TDP1: variants seen among roughly 807,000 people sequenced by gnomAD.
TDP1 encodes the protein tyrosyl-DNA phosphodiesterase 1.
A neutral mutation model predicts 81.5 loss-of-function variants in TDP1; 64 were observed. The ratio of observed to expected loss-of-function variants is 0.79; its 90% CI spans 0.64 to 0.97. The LOEUF (loss-of-function observed/expected upper bound fraction) is 0.97. TDP1 is among the 50% of genes least tolerant of loss of function. The pLI is 0.00. For synonymous variants in TDP1, 256 were observed against 264.3 expected (o/e 0.97, Z 0.30); for missense variants, 723 against 743.8 (o/e 0.97, Z 0.33).
At chr14:90,040,933 A>G (rs955859230) in intron 16 of TDP1, among the ~76,000 whole-genome samples, 1 of 152,236 alleles carries the variant, frequency 6.6e-6, no homozygotes, top group African/African-American at 2.4e-5. Flanking sequence ...GCAGAGCTAC[A>G]GGGAATTTGC....
intron 14 of TDP1, among the ~76,000 whole-genome samples, chr14:90,008,717 TTTG>T: frequency 1.3e-5 from 2 of 152,330 alleles, no homozygotes; most frequent in Middle Eastern, 6.8e-3. Flanking sequence ...TTTGAAATCT[TTTG>T]TTTATTTTTG....
At chr14:90,034,955 G>C (rs1007225203) in intron 16 of TDP1, among the ~76,000 whole-genome samples, 1 of 151,564 alleles carries the variant, frequency 6.6e-6, no homozygotes, top group Non-Finnish European at 1.5e-5. Flanking sequence ...AACCTTCCCA[G>C]CTTTCATGGT....
intron 14 of TDP1, among the ~76,000 whole-genome samples, chr14:89,996,885 C>T (rs1211187251): frequency 6.6e-6 from 1 of 152,194 alleles, no homozygotes; most frequent in African/African-American, 2.4e-5. Flanking sequence ...TATCCCCTCC[C>T]TCCACTCAAT....
In TDP1 at chr14:90,044,292, G is replaced by A. The variant is rs1332241585; in HGVS notation, c.*1149G>A. 3 of 152,208 alleles carry A rather than the reference G, an allele frequency of 2.0e-5. No homozygotes were observed. Among genetic ancestry groups the A allele is most frequent in the Admixed American group, 6.5e-5 (1 of 15,276 alleles). 9.4% of individuals were successfully genotyped at this position (152,208 alleles called of 1,614,324 possible). A position where few individuals can be genotyped will look rare whatever the true frequency, so the allele number is the denominator to read the frequency against. On this transcript the variant is annotated 3_prime_UTR_variant, in exon 17 of 17. Coordinates refer to ENST00000335725, the MANE Select transcript of TDP1 (RefSeq NM_018319.4). The stretch of plus-strand genomic sequence containing the variant: ...TTTGATGCCTTAAATTCACAAGTGA[G>A]GAAGCTAAGGCCTAGAAGGTTAAGG...
chr14:89,995,060 A>C (rs1408587562), intron 14 of TDP1, among the ~76,000 whole-genome samples: 2 of 152,244 alleles, frequency 1.3e-5, no homozygotes, highest in African/African-American at 4.8e-5. Flanking sequence ...GGCTGTTACT[A>C]AATTAAGCAA....
At chr14:89,998,040 G>A (rs887520349) in intron 14 of TDP1, among the ~76,000 whole-genome samples, 4 of 152,016 alleles carry the variant, frequency 2.6e-5, no homozygotes, top group African/African-American at 7.2e-5. Flanking sequence ...TGATAATTTA[G>A]GTGCACAATC....
chr14:90,032,696 ATTTC>A (rs1887419734), intron 15 of TDP1: 3 of 975,550 alleles, frequency 3.1e-6, no homozygotes, highest in Middle Eastern at 5.3e-4. Context: ...AGCAGCTTTT[ATTTC>A]TTCTTACTCC....
chr14:89,998,370 CATTATA>C (rs1451372150), intron 14 of TDP1, among the ~76,000 whole-genome samples: 1,414 of 98,272 alleles, frequency 0.014, 40 homozygotes, highest in African/African-American at 0.043. Flanking sequence ...GTTCCAAGCA[CATTATA>C]TATATATATA....
chr14:89,968,779 AT>A (rs777390025), intron 5 of TDP1, among the ~76,000 whole-genome samples: 1 of 152,168 alleles, frequency 6.6e-6, no homozygotes, highest in Non-Finnish European at 1.5e-5. Flanking sequence ...CTGTCACCCC[AT>A]TAGAGTGTTG....
intron 7 of TDP1, among the ~76,000 whole-genome samples, chr14:89,978,631 T>C (rs1280514079): frequency 6.6e-6 from 1 of 152,268 alleles, no homozygotes; most frequent in Non-Finnish European, 1.5e-5. Context: ...TGAATATGGC[T>C]ACTCTCAAGT....
chr14:89,998,402 ATATATATATATATATATATATG>A (rs1346749578), intron 14 of TDP1, among the ~76,000 whole-genome samples: 45 of 115,200 alleles, frequency 3.9e-4, no homozygotes, highest in East Asian at 1.9e-3. Flanking sequence ...ATATATATAT[ATATATATATATATATATATATG>A]TATGTATGTA....
At chr14:89,969,511 CA>C (rs1893338767) in intron 5 of TDP1, among the ~76,000 whole-genome samples, 1 of 152,194 alleles carries the variant, frequency 6.6e-6, no homozygotes, top group African/African-American at 2.4e-5. Context: ...CAGTTTCTAT[CA>C]GTCATATTTA....
intron 14 of TDP1, among the ~76,000 whole-genome samples, chr14:90,017,839 A>G (rs1051641179): frequency 1.3e-5 from 2 of 152,206 alleles, no homozygotes; most frequent in Admixed American, 1.3e-4. Flanking sequence ...CCAGTTTATC[A>G]TAAACATCAG....
At position 89,993,438 on chromosome 14, in the gene TDP1, G is replaced by C. The variant is rs1171905322; in HGVS notation, c.1496G>C (p.Arg499Thr). ...ATGCCACATATTAAGACATATATGA[G>C]GCCTTCTCCAGACTTCAGTAAAATT... ...NAMPHIKTYM[R>T]PSPDFSKIAW... Residue 499 changes from arginine (R) to threonine (T), a missense_variant, in exon 14 of 17, where the codon AGG becomes ACG. Physicochemically the swap from Arg to Thr is moderately conservative, Grantham distance 71 (BLOSUM62 -1). Coordinates refer to ENST00000335725, the MANE Select transcript of TDP1 (RefSeq NM_018319.4). 4 of 1,613,852 alleles carry C rather than the reference G, an allele frequency of 2.5e-6. No individual in the cohort carries two copies. Among genetic ancestry groups the C allele is most frequent in the Non-Finnish European group, 2.5e-6 (3 of 1,179,864 alleles).
intron 10 of TDP1, 31 bp from the exon 11 acceptor site, chr14:89,988,874 C>A: frequency 1.2e-6 from 2 of 1,613,694 alleles, no homozygotes; most frequent in South Asian, 2.2e-5. Context: ...TTATTTGAGT[C>A]ACTTTAACAT....
intron 16 of TDP1, among the ~76,000 whole-genome samples, chr14:90,039,135 A>G (rs35838970): frequency 0.054 from 8,224 of 152,262 alleles, 370 homozygotes; most frequent in African/African-American, 0.12. Context: ...TTATCCTCAC[A>G]CCAGTAAGAT....
intron 15 of TDP1, among the ~76,000 whole-genome samples, chr14:90,021,388 C>T (rs1421426331): frequency 6.6e-6 from 1 of 152,126 alleles, no homozygotes; most frequent in Non-Finnish European, 1.5e-5. Context: ...GGAGTTCTCT[C>T]CCAATAATAA....
At chr14:89,972,344 CTCTA>C (rs1893761006) in intron 6 of TDP1, among the ~76,000 whole-genome samples, 2 of 152,108 alleles carry the variant, frequency 1.3e-5, no homozygotes, top group African/African-American at 4.8e-5. Context: ...CATGAGAACT[CTCTA>C]TCACGAGAAC....
At chr14:89,992,291 T>A (rs1321210308) in intron 13 of TDP1, among the ~76,000 whole-genome samples, 1 of 152,222 alleles carries the variant, frequency 6.6e-6, no homozygotes, top group Non-Finnish European at 1.5e-5. Flanking sequence ...AGTTCATTTT[T>A]CCAAAATATA....
Sources: gnomAD v4.1 joint callset for allele counts (sites outside exome capture counted in the v4.1 genomes callset) on GRCh38, gnomAD v4.1.1 for gene constraint, MANE v1.5 for transcripts, NCBI Gene and HGNC (gene_info 2026-07-23, HGNC 2026-07-21) for gene names.